Variants in NCAM2 observed in about 807,000 individuals in gnomAD.
NCAM2 encodes N-CAM-2.
A neutral mutation model predicts 98.1 loss-of-function variants in NCAM2; 30 were observed. The observed-to-expected ratio is 0.31, with a 90% CI of 0.23 to 0.41. The LOEUF (loss-of-function observed/expected upper bound fraction) is 0.41, where lower values mean the gene tolerates loss of function less well. Among genes scored for constraint, NCAM2 ranks in the 10% least tolerant of loss-of-function variants. NCAM2 has a pLI of 1.00. For synonymous variants in NCAM2, 368 were observed against 342.4 expected, an observed-to-expected ratio of 1.07 and a Z score of -0.83; for missense variants, 867 against 1,005.8, an observed-to-expected ratio of 0.86 and a Z score of 1.87.
At chr21:21,341,748 GAC>G (rs1362580636) in intron 8 of NCAM2, among the ~76,000 whole-genome samples, 1 of 140,246 alleles carries the variant, frequency 7.1e-6, no homozygotes, top group Non-Finnish European at 1.5e-5. Flanking sequence ...CACCAGATAA[GAC>G]AAAAAAAATG....
At chr21:21,291,406 T>C (rs1215764533) in intron 4 of NCAM2, among the ~76,000 whole-genome samples, 1 of 151,816 alleles carries the variant, frequency 6.6e-6, no homozygotes, top group Non-Finnish European at 1.5e-5. Context: ...TGTCACAGAT[T>C]ACTGTAGCAG....
chr21:21,399,374 G>A lies in NCAM2; in HGVS notation c.1196-10900G>A, dbSNP rs186205546. 2.6e-5 allele frequency among the ~76,000 whole-genome samples: 4 copies of A among 152,182 alleles called. No individual in the cohort carries two copies. The East Asian group carries it at 7.7e-4, about 29-fold the overall frequency. ...GTGAAAATAACTCTTTCTGTTATTT[G>A]TAGTTCTTAAAATATAATATTAAAA... On this transcript the variant is annotated intron_variant, in intron 9 of 17. Coordinates refer to ENST00000400546, the MANE Select transcript of NCAM2 (RefSeq NM_004540.5).
At chr21:21,140,194 T>G (rs1363592665) in intron 1 of NCAM2, among the ~76,000 whole-genome samples, 4 of 152,190 alleles carry the variant, frequency 2.6e-5, no homozygotes, top group Non-Finnish European at 2.9e-5. Flanking sequence ...ATTAATTGTA[T>G]ACACCATAGA....
intron 13 of NCAM2, among the ~76,000 whole-genome samples, chr21:21,468,430 T>C (rs769379285): frequency 6.6e-6 from 1 of 151,992 alleles, no homozygotes; most frequent in Non-Finnish European, 1.5e-5. Flanking sequence ...GTGAAAATAA[T>C]ATATTTGGTC....
chr21:21,193,014 TTTC>T (rs565488343), intron 1 of NCAM2, among the ~76,000 whole-genome samples: 80 of 152,338 alleles, frequency 5.3e-4, no homozygotes, highest in Admixed American at 1.8e-3. Flanking sequence ...GCTATATCCT[TTTC>T]TTCTTCAGAT....
intron 1 of NCAM2, among the ~76,000 whole-genome samples, chr21:21,050,466 G>A (rs1379059562): frequency 6.6e-6 from 1 of 152,152 alleles, no homozygotes; most frequent in African/African-American, 2.4e-5. Flanking sequence ...TGCTTTCTGT[G>A]TTCCTTGTTG....
chr21:21,317,151 C>T (rs993507462), intron 5 of NCAM2, among the ~76,000 whole-genome samples: 2 of 152,146 alleles, frequency 1.3e-5, no homozygotes, highest in Admixed American at 6.5e-5. Flanking sequence ...ATCACGTGGA[C>T]ACATTATCCC....
rs527745978 is a variant in NCAM2 at position 21,460,315 on chromosome 21, T to A, written c.1655-6291T>A. 6.6e-5 allele frequency among the ~76,000 whole-genome samples: 10 copies of A among 152,036 alleles called. No individual in the cohort carries two copies. The South Asian group carries it at 1.9e-3, about 28-fold the overall frequency. ...TACAAAGCTTTAACTTAAGCTAGAA[T>A]CATGTTCAAATCCAAACTCTGATGC... On this transcript the variant is annotated intron_variant, in intron 12 of 17. Coordinates refer to ENST00000400546, the MANE Select transcript of NCAM2 (RefSeq NM_004540.5).
At chr21:21,079,722 CT>C (rs1451767628) in intron 1 of NCAM2, among the ~76,000 whole-genome samples, 1 of 152,070 alleles carries the variant, frequency 6.6e-6, no homozygotes, top group African/African-American at 2.4e-5. Flanking sequence ...GGATTGTCTT[CT>C]AAAAGACTCA....
chr21:21,257,106 G>A (rs1322448429), intron 1 of NCAM2, among the ~76,000 whole-genome samples: 1 of 152,176 alleles, frequency 6.6e-6, no homozygotes, highest in African/African-American at 2.4e-5. Context: ...AATGTAGGAG[G>A]AGATCTTTGT....
chr21:21,027,930 C>T (rs1355383700), intron 1 of NCAM2, among the ~76,000 whole-genome samples: 3 of 151,142 alleles, frequency 2.0e-5, no homozygotes, highest in Non-Finnish European at 4.4e-5. Flanking sequence ...GATCTCGGCT[C>T]GCTGCAACCT....
intron 1 of NCAM2, among the ~76,000 whole-genome samples, chr21:21,125,298 C>A (rs746623179): frequency 8.6e-6 from 1 of 115,706 alleles, no homozygotes; most frequent in Non-Finnish European, 1.9e-5. Context: ...GATGTGAGAT[C>A]TAGTTCATCT....
chr21:21,507,297 C>T (rs1237335146), intron 15 of NCAM2, among the ~76,000 whole-genome samples: 2 of 151,948 alleles, frequency 1.3e-5, no homozygotes, highest in Non-Finnish European at 2.9e-5. Context: ...AAATATTAAA[C>T]CTAAGTTTAA....
At chr21:21,385,881 C>A (rs751074069) in intron 9 of NCAM2, among the ~76,000 whole-genome samples, 56 of 152,118 alleles carry the variant, frequency 3.7e-4, no homozygotes, top group Non-Finnish European at 4.9e-4. Flanking sequence ...TACATACTAA[C>A]AATGCATGCT....
chr21:21,233,479 A>AT (rs2070707957), intron 1 of NCAM2, among the ~76,000 whole-genome samples: 1 of 151,566 alleles, frequency 6.6e-6, no homozygotes, highest in African/African-American at 2.4e-5. Flanking sequence ...TTGACATGCC[A>AT]TTTTCTCTTC....
At chr21:21,436,153 T>C (rs1364044146) in intron 12 of NCAM2, among the ~76,000 whole-genome samples, 3 of 152,244 alleles carry the variant, frequency 2.0e-5, no homozygotes, top group Admixed American at 6.5e-5. Context: ...TTATATTTAC[T>C]GTAAATTGAC....
intron 12 of NCAM2, among the ~76,000 whole-genome samples, chr21:21,450,344 T>A (rs17459233): frequency 0.066 from 9,973 of 151,650 alleles, 498 homozygotes; most frequent in African/African-American, 0.13. Flanking sequence ...AATATCTTAG[T>A]CTCTTTTTAT....
intron 1 of NCAM2, among the ~76,000 whole-genome samples, chr21:21,114,859 C>T (rs1010689898): frequency 1.3e-5 from 2 of 150,540 alleles, no homozygotes; most frequent in Non-Finnish European, 2.9e-5. Context: ...TCGCTCTTGT[C>T]GCCCAGGCTG....
chr21:21,314,848 C>A (rs139169936), intron 5 of NCAM2, among the ~76,000 whole-genome samples: 140 of 152,124 alleles, frequency 9.2e-4, no homozygotes, highest in African/African-American at 3.1e-3. Context: ...GAGAGACTTT[C>A]TATATTTCCA....
Sources: gnomAD v4.1 joint callset for allele counts (sites outside exome capture counted in the v4.1 genomes callset) on GRCh38, gnomAD v4.1.1 for gene constraint, MANE v1.5 for transcripts, NCBI Gene and HGNC (gene_info 2026-07-23, HGNC 2026-07-21) for gene names.